PRPSAP1: variants seen among roughly 807,000 people sequenced by gnomAD.
The protein encoded by PRPSAP1 is phosphoribosyl pyrophosphate synthetase associated protein 1, also known as phosphoribosyl pyrophosphate synthase-associated protein 1.
PRPSAP1 carries 31 observed loss-of-function variants against 39.4 expected under a neutral mutation model. That is an observed-to-expected ratio of 0.79 (90% CI 0.59 to 1.06). The LOEUF (loss-of-function observed/expected upper bound fraction) is 1.06, where lower values mean the gene tolerates loss of function less well. Ranked by LOEUF, PRPSAP1 falls within the 50% of genes least tolerant of loss-of-function variation. The pLI, the probability that PRPSAP1 is intolerant of heterozygous loss-of-function variation, is 0.00. For synonymous variants in PRPSAP1, 212 were observed against 192.6 expected (o/e 1.10, Z -0.83); for missense variants, 430 against 511.6 (o/e 0.84, Z 1.54).
At position 76,316,677 on chromosome 17, in the gene PRPSAP1, A is replaced by T. The variant is rs184343613; in HGVS notation, c.782-2786T>A. Reference sequence around the variant, plus strand: ...TTTATCAAACAAAATCTAATCCATGAATAAAATGAATTGTGCAACATTACT... The same window carrying T: ...TTTATCAAACAAAATCTAATCCATGTATAAAATGAATTGTGCAACATTACT... On this transcript the variant is annotated intron_variant, in intron 7 of 9. Transcript: ENST00000446526. Among the ~76,000 whole-genome samples the T allele has an allele frequency of 2.4e-4, 37 of 152,356 alleles. 1 individual carries two copies. The highest frequency in any genetic ancestry group is 8.4e-4 in the African/African-American group (35 of 41,576).
At chr17:76,321,375 T>C (rs2071196489) in intron 7 of PRPSAP1, among the ~76,000 whole-genome samples, 1 of 151,950 alleles carries the variant, frequency 6.6e-6, no homozygotes, top group South Asian at 2.1e-4. Context: ...ACCAACATGG[T>C]GAAACCCCGT....
intron 3 of PRPSAP1, among the ~76,000 whole-genome samples, chr17:76,340,751 G>A (rs528311047): frequency 2.0e-5 from 3 of 152,082 alleles, no homozygotes; most frequent in South Asian, 2.1e-4. Context: ...TTAGCCGGGC[G>A]TAGTGGCACA....
chr17:76,329,715 G>A (rs1456737382), intron 6 of PRPSAP1, among the ~76,000 whole-genome samples: 2 of 148,524 alleles, frequency 1.3e-5, no homozygotes, highest in Non-Finnish European at 3.0e-5. Flanking sequence ...CAGCCTAGGT[G>A]ACAGAATGAA....
upstream of PRPSAP1, chr17:76,354,111 G>A (rs1024592332): frequency 5.9e-6 from 6 of 1,015,792 alleles, no homozygotes; most frequent in Non-Finnish European, 7.1e-6. Flanking sequence ...GGGAGGAGCA[G>A]CCTACCTCGG....
At chr17:76,320,768 T>C (rs2071188011) in intron 7 of PRPSAP1, among the ~76,000 whole-genome samples, 1 of 145,344 alleles carries the variant, frequency 6.9e-6, no homozygotes, top group Non-Finnish European at 1.5e-5. Context: ...AGCAAGTCTA[T>C]GGGAGCCATT....
chr17:76,327,642 A>T lies in PRPSAP1; in HGVS notation c.781+1075T>A, dbSNP rs145250421. 3.6e-4 allele frequency among the ~76,000 whole-genome samples: 54 copies of T among 152,064 alleles called. 1 individual carries two copies. Among genetic ancestry groups the T allele is most frequent in the African/African-American group, 1.3e-3 (52 of 41,470 alleles). On this transcript the variant is annotated intron_variant, in intron 7 of 9. Transcript: ENST00000446526. ...CACTCCAGCCTGGCGACAGAGTGAGACTCCATCTCAAAATAAATAAATAAG... is the reference window on the plus strand; with the variant it reads ...CACTCCAGCCTGGCGACAGAGTGAGTCTCCATCTCAAAATAAATAAATAAG...
At chr17:76,323,095 A>C (rs2071214751) in intron 7 of PRPSAP1, among the ~76,000 whole-genome samples, 1 of 150,538 alleles carries the variant, frequency 6.6e-6, no homozygotes, top group Non-Finnish European at 1.5e-5. Context: ...TAATCCCAGC[A>C]CTTTGGGAGG....
In PRPSAP1 at chr17:76,330,559, G is replaced by A; in HGVS notation, c.571C>T (p.Gln191Ter). 1.3e-6 allele frequency: 2 copies of A among 1,599,188 alleles called. No homozygotes were observed. Among genetic ancestry groups the A allele is most frequent in the South Asian group, 2.2e-5 (2 of 90,238 alleles). Reference protein sequence around the residue: ...RASPFLLQYIQEEIPNYRNAV... With the variant: ...RASPFLLQYI ...TGCTGGTGGTTCCTCACTTCTTCCT[G>A]GATATACTGAAGCAGGAAAGGTGAG... is the stretch of plus-strand genomic sequence containing the variant. The change falls in exon 5 of 10, where the codon CAG (glutamine) becomes TAG (stop). Residue 191 changes from glutamine (Q) to a stop codon, truncating the protein, a stop_gained. Transcript: ENST00000446526. LOFTEE classifies it high-confidence loss of function.
chr17:76,325,075 A>G (rs919393031), intron 7 of PRPSAP1, among the ~76,000 whole-genome samples: 5 of 149,530 alleles, frequency 3.3e-5, no homozygotes, highest in African/African-American at 1.2e-4. Context: ...AAAACAAAAA[A>G]AAAAAAAAGA....
chr17:76,325,749 C>T (rs1014793363), intron 7 of PRPSAP1, among the ~76,000 whole-genome samples: 3 of 151,384 alleles, frequency 2.0e-5, no homozygotes, highest in East Asian at 2.0e-4. Context: ...GGACTACAGG[C>T]GCCCGCCACT....
intron 3 of PRPSAP1, among the ~76,000 whole-genome samples, chr17:76,337,910 T>C (rs1487429611): frequency 6.6e-6 from 1 of 152,140 alleles, no homozygotes; most frequent in East Asian, 1.9e-4. Flanking sequence ...CAGCTGTAAA[T>C]GTTATTTTAA....
chr17:76,326,874 A>G (rs2071260842), intron 7 of PRPSAP1, among the ~76,000 whole-genome samples: 1 of 151,976 alleles, frequency 6.6e-6, no homozygotes, highest in Non-Finnish European at 1.5e-5. Flanking sequence ...ACAAATATAC[A>G]CGAAGGTATT....
At position 76,353,710 on chromosome 17, in the gene PRPSAP1, G is replaced by C; in HGVS notation, c.-7C>G. ...GCAGCAGCTTCTTGGGCATCGTCCG[G>C]CCCGCGGCGCGGTTACGACCGGCCC... On this transcript the variant is annotated 5_prime_UTR_variant, in exon 1 of 10. Coordinates refer to ENST00000446526, the MANE Select transcript of PRPSAP1 (RefSeq NM_002766.3). 6.9e-7 allele frequency: 1 copy of C among 1,457,098 alleles called. No individual in the cohort carries two copies. The highest frequency in any genetic ancestry group is 9.0e-7 in the Non-Finnish European group (1 of 1,112,362). 90.3% of individuals were successfully genotyped at this position (1,457,098 alleles called of 1,614,324 possible).
At chr17:76,317,298 C>A (rs1464267269) in intron 7 of PRPSAP1, among the ~76,000 whole-genome samples, 1 of 142,520 alleles carries the variant, frequency 7.0e-6, no homozygotes, top group East Asian at 2.0e-4. Context: ...TGCAGTGAAC[C>A]GACATCATGC....
At chr17:76,351,464 G>A (rs752506541) in intron 1 of PRPSAP1, among the ~76,000 whole-genome samples, 1 of 151,974 alleles carries the variant, frequency 6.6e-6, no homozygotes, top group African/African-American at 2.4e-5. Flanking sequence ...GCAGTGAGCC[G>A]AGATCGCGCC....
At chr17:76,329,668 G>A (rs997682594) in intron 6 of PRPSAP1, among the ~76,000 whole-genome samples, 4 of 151,888 alleles carry the variant, frequency 2.6e-5, no homozygotes, top group South Asian at 4.2e-4. Flanking sequence ...CCCAGGAGGC[G>A]GAGGTTGCAG....
chr17:76,323,354 G>A (rs1713398), intron 7 of PRPSAP1, among the ~76,000 whole-genome samples: 40,964 of 145,640 alleles, frequency 0.28, 6,601 homozygotes, highest in African/African-American at 0.44. Flanking sequence ...AAAAAAAAAA[G>A]AAATACATTT....
intron 8 of PRPSAP1, 39 bp downstream of exon 8, chr17:76,313,782 G>C (rs746275834): frequency 1.2e-6 from 2 of 1,608,812 alleles, no homozygotes; most frequent in Non-Finnish European, 1.7e-6. Context: ...CCAAGAGCCA[G>C]GAGTGCCACC....
chr17:76,330,571 G>A lies in PRPSAP1; in HGVS notation c.559C>T (p.Leu187Phe), dbSNP rs772274177. 1.2e-5 allele frequency: 19 copies of A among 1,606,532 alleles called. No individual in the cohort carries two copies. The highest frequency in any genetic ancestry group is 1.5e-5 in the Non-Finnish European group (18 of 1,174,302). The change falls in exon 5 of 10, where the codon CTT becomes TTT. Residue 187 changes from leucine to phenylalanine, a missense_variant. Leu to Phe is a conservative substitution (Grantham distance 22, BLOSUM62 0). This residue lies in a region of PRPSAP1 where 278 missense variants were observed against 376.3 expected (regional missense o/e 0.74). Transcript: ENST00000446526. ...VDNLRASPFLLQYIQEEIPNY... is the reference protein window; with the variant it reads ...VDNLRASPFLFQYIQEEIPNY... ...CTCACTTCTTCCTGGATATACTGAA[G>A]CAGGAAAGGTGAGGCTCTAAGGTTG...
Sources: allele counts gnomAD v4.1 joint callset (sites outside exome capture counted in the v4.1 genomes callset), GRCh38; gene constraint gnomAD v4.1.1; regional missense constraint gnomAD v4.1.1; transcripts MANE v1.5; gene names NCBI Gene and HGNC (gene_info 2026-07-23, HGNC 2026-07-21).